The following GPC1 variants were observed in gnomAD, a reference collection of about 807,000 sequenced individuals.
GPC1 encodes glypican-1.
GPC1 carries 26 observed loss-of-function variants against 51.5 expected under a neutral mutation model. That is an observed-to-expected ratio of 0.50 (90% CI 0.37 to 0.70). GPC1 has a LOEUF of 0.70. GPC1 is among the 30% of genes least tolerant of loss of function. The pLI, the probability that GPC1 is intolerant of heterozygous loss-of-function variation, is 0.00. For missense variants in GPC1, 775 were observed against 800.5 expected (o/e 0.97, Z 0.38); for synonymous variants, 380 against 348.3 (o/e 1.09, Z -1.01).
rs766261701 is a variant in GPC1 at position 240,462,453 on chromosome 2, C to T, written c.588C>T (p.Ala196=). 102 of 1,605,164 alleles carry T rather than the reference C, an allele frequency of 6.4e-5. No individual in the cohort carries two copies. The highest frequency in any genetic ancestry group is 8.0e-5 in the African/African-American group (6 of 74,788). Residue 196 remains alanine (A), a synonymous_variant, in exon 3 of 9, where the codon GCC becomes GCT. Transcript: ENST00000264039. ...DDYLDCLGKQ[A]EALRPFGEAP... Reference sequence around the variant, plus strand: ...ACCTGGACTGCCTGGGCAAGCAGGCCGAGGCGCTGCGGCCCTTCGGGGAGG... The same window carrying T: ...ACCTGGACTGCCTGGGCAAGCAGGCTGAGGCGCTGCGGCCCTTCGGGGAGG...
At chr2:240,459,805 A>T (rs1450684080) in intron 2 of GPC1, among the ~76,000 whole-genome samples, 11 of 152,238 alleles carry the variant, frequency 7.2e-5, no homozygotes, top group Non-Finnish European at 1.6e-4. Flanking sequence ...GTGTCTGGGC[A>T]GAGAGTGGCA....
In GPC1 at chr2:240,463,518, C is replaced by T. The variant is rs1333976662; in HGVS notation, c.883+6C>T. The T allele has an allele frequency of 1.2e-6, 2 of 1,611,524 alleles. No homozygotes were observed. The highest frequency in any genetic ancestry group is 2.2e-5 in the South Asian group (2 of 91,054). On this transcript the variant is annotated splice_donor_region_variant and intron_variant, in intron 4 of 8. Transcript: ENST00000264039. ...CGAGTGGAGGAACCTCCTGGGTGAG[C>T]CCCCACCCGCGAGAGCGGCCTGGAA...
At position 240,448,168 on chromosome 2, in the gene GPC1, G is replaced by T. The variant is rs2074064572; in HGVS notation, c.167-10862G>T. Among the ~76,000 whole-genome samples the T allele has an allele frequency of 6.6e-6, 1 of 152,140 alleles. No individual in the cohort carries two copies. Among genetic ancestry groups the T allele is most frequent in the Admixed American group, 6.5e-5 (1 of 15,282 alleles). On this transcript the variant is annotated intron_variant, in intron 1 of 8. Transcript: ENST00000264039. The surrounding 1 kb of genome is among the most constrained non-coding windows in gnomAD (Gnocchi z 4.5). The stretch of plus-strand genomic sequence containing the variant: ...GAGGCACCGCAGGCCCTGTGGAGAG[G>T]CAGGAAGGGCAGGAGATGCTGGCCC...
chr2:240,452,893 T>TC, intron 1 of GPC1: 1 of 250,844 alleles, frequency 4.0e-6, no homozygotes, highest in South Asian at 3.5e-5. Context: ...CCCGCCCTCG[T>TC]CCCCCGCTGG....
chr2:240,459,701 G>A (rs2074200222), intron 2 of GPC1, among the ~76,000 whole-genome samples: 1 of 152,138 alleles, frequency 6.6e-6, no homozygotes, highest in South Asian at 2.1e-4. Flanking sequence ...GCAGGAGTCT[G>A]GGGGCCGCGG....
At position 240,435,960 on chromosome 2, in the gene GPC1, C is replaced by T. The variant is rs368257285; in HGVS notation, c.42C>T (p.Ala14=). ...GAGGCTGGTGGCTGCTATGTGCGGC[C>T]GCAGCGCTGGTCGCCTGCGCCCGCG... ...RARGWWLLCA[A]AALVACARGD... Residue 14 remains alanine, a synonymous_variant, in exon 1 of 9, where the codon GCC becomes GCT. Transcript: ENST00000264039. 1.6e-4 allele frequency: 207 copies of T among 1,322,268 alleles called. No individual in the cohort carries two copies. In the Middle Eastern group the frequency reaches 3.7e-3, roughly 24 times the overall value. The allele number at this position is 1,322,268 out of a possible 1,614,324, so 81.9% of individuals were successfully genotyped here. A position where few individuals can be genotyped will look rare whatever the true frequency, so the allele number is the denominator to read the frequency against.
At position 240,466,111 on chromosome 2, in the gene GPC1, A is replaced by G. The variant is rs2228331; in HGVS notation, c.1498A>G (p.Ser500Gly). The change falls in exon 9 of 9, where the codon AGC (serine) becomes GGC (glycine). Residue 500 changes from serine (S) to glycine (G), a missense_variant. By Grantham distance (56) the Ser-to-Gly change is moderately conservative (BLOSUM62 0). Coordinates refer to ENST00000264039, the MANE Select transcript of GPC1 (RefSeq NM_002081.3). ...SGDGCLDDLCSRKVSRKSSSS... is the reference protein window; with the variant it reads ...SGDGCLDDLCGRKVSRKSSSS... ...TGATGGCTGTCTGGATGACCTCTGC[A>G]GCCGGAAGGTCAGCAGGAAGAGCTC... 0.7 allele frequency: 1,130,054 copies of G among 1,611,744 alleles called. 402,429 individuals are homozygous for G. Among genetic ancestry groups the G allele is most frequent in the African/African-American group, 0.9 (67,572 of 74,918 alleles).
At chr2:240,456,397 C>G (rs539575261) in intron 1 of GPC1, among the ~76,000 whole-genome samples, 2 of 152,272 alleles carry the variant, frequency 1.3e-5, no homozygotes, top group South Asian at 4.1e-4. Context: ...CACCCACCCT[C>G]CTCCCTAGGA....
In GPC1 at chr2:240,467,308, C is replaced by T. The variant is rs35984995; in HGVS notation, c.*1018C>T. ...AGACGGGAATGCCTAGGTCCCTTCC[C>T]GACCCAGCCAGCTGCAGGGCACGGG... On this transcript the variant is annotated 3_prime_UTR_variant, in exon 9 of 9. Coordinates refer to ENST00000264039, the MANE Select transcript of GPC1 (RefSeq NM_002081.3). The T allele has an allele frequency of 0.098, 14,889 of 152,398 alleles. 779 individuals are homozygous for T. Among genetic ancestry groups the T allele is most frequent in the African/African-American group, 0.11 (4,760 of 41,574 alleles). 9.4% of individuals were successfully genotyped at this position (152,398 alleles called of 1,614,324 possible).
chr2:240,456,938 G>C (rs973689106), intron 1 of GPC1, among the ~76,000 whole-genome samples: 2 of 152,172 alleles, frequency 1.3e-5, no homozygotes, highest in Non-Finnish European at 2.9e-5. Context: ...GGCTCTCAGA[G>C]CCGGGCTCTG....
Position 240,467,309 on chromosome 2 carries a change from G to C in GPC1, c.*1019G>C, listed in dbSNP as rs191627236. ...GACGGGAATGCCTAGGTCCCTTCCC[G>C]ACCCAGCCAGCTGCAGGGCACGGGG... On this transcript the variant is annotated 3_prime_UTR_variant, in exon 9 of 9. Coordinates refer to ENST00000264039, the MANE Select transcript of GPC1 (RefSeq NM_002081.3). 2.0e-5 allele frequency: 3 copies of C among 152,420 alleles called. No individual in the cohort carries two copies. Among genetic ancestry groups the C allele is most frequent in the Non-Finnish European group, 1.5e-5 (1 of 68,088 alleles). 9.4% of individuals were successfully genotyped at this position (152,420 alleles called of 1,614,324 possible). A position where few individuals can be genotyped will look rare whatever the true frequency, so the allele number is the denominator to read the frequency against.
chr2:240,459,987 G>A (rs547924792), intron 2 of GPC1, among the ~76,000 whole-genome samples: 4 of 152,204 alleles, frequency 2.6e-5, no homozygotes, highest in East Asian at 3.9e-4. Context: ...GGGAGGGAGC[G>A]CTGAGGCTGC....
chr2:240,457,157 C>A (rs141676551), intron 1 of GPC1, among the ~76,000 whole-genome samples: 4 of 152,282 alleles, frequency 2.6e-5, no homozygotes, highest in East Asian at 3.9e-4. Flanking sequence ...CTCCCTCCCC[C>A]TCTAGCTCAA....
At chr2:240,442,948 G>T (rs2074027737) in intron 1 of GPC1, among the ~76,000 whole-genome samples, 2 of 152,240 alleles carry the variant, frequency 1.3e-5, no homozygotes, top group Admixed American at 1.3e-4. Context: ...GGCGCTCTCT[G>T]GGCACAGCCT....
intron 1 of GPC1, chr2:240,456,825 G>A (rs2074169066): frequency 3.1e-6 from 1 of 327,276 alleles, no homozygotes; most frequent in Non-Finnish European, 6.3e-6. Flanking sequence ...AGTGAAGGAT[G>A]GTCCCTGGCG....
intron 1 of GPC1, among the ~76,000 whole-genome samples, chr2:240,440,827 G>A (rs115205440): frequency 0.015 from 2,217 of 150,352 alleles, 99 homozygotes; most frequent in African/African-American, 0.051. Flanking sequence ...CCTCCTGGCC[G>A]TGCCGCCCAG....
chr2:240,453,144 G>A, intron 1 of GPC1: 1 of 258,000 alleles, frequency 3.9e-6, no homozygotes, highest in South Asian at 3.1e-5. Context: ...CACCGCCTCT[G>A]TCCCATCCTC....
chr2:240,449,728 C>T, intron 1 of GPC1: 1 of 427,066 alleles, frequency 2.3e-6, no homozygotes, highest in South Asian at 1.7e-5. Context: ...TCTCCACCGC[C>T]CCTGGTGCCC....
At chr2:240,464,389 CACCT>C in intron 4 of GPC1, 2 of 554,512 alleles carry the variant, frequency 3.6e-6, no homozygotes, top group Non-Finnish European at 6.5e-6. Flanking sequence ...TGTGCGTGTT[CACCT>C]GTGCCCGTGG....
Sources: gnomAD v4.1 joint callset for allele counts (sites outside exome capture counted in the v4.1 genomes callset) on GRCh38, gnomAD v4.1.1 for gene constraint, Gnocchi (gnomAD v3.1) non-coding constraint, MANE v1.5 for transcripts, NCBI Gene and HGNC (gene_info 2026-07-23, HGNC 2026-07-21) for gene names.